Variants in TRAK1 observed in about 807,000 individuals in gnomAD.
TRAK1 encodes trafficking kinesin protein 1.
In TRAK1, 33 loss-of-function variants were observed where a neutral mutation model predicts 92.1. The ratio of observed to expected loss-of-function variants is 0.36; its 90% CI spans 0.27 to 0.48. TRAK1 has a LOEUF of 0.48. Among genes scored for constraint, TRAK1 ranks in the 20% least tolerant of loss-of-function variants. TRAK1 has a pLI of 0.99. For missense variants in TRAK1, 1,123 were observed against 1,257.9 expected, an observed-to-expected ratio of 0.89 and a Z score of 1.62; for synonymous variants, 521 against 517.3, an observed-to-expected ratio of 1.01 and a Z score of -0.10.
intron 1 of TRAK1, among the ~76,000 whole-genome samples, chr3:42,076,152 A>G (rs150460970): frequency 1.3e-3 from 189 of 141,596 alleles, no homozygotes; most frequent in East Asian, 7.3e-3. Context: ...TCCTTTGCGC[A>G]TTTTTAAACG....
chr3:42,153,101 T>A (rs964531514), intron 2 of TRAK1, among the ~76,000 whole-genome samples: 1 of 152,044 alleles, frequency 6.6e-6, no homozygotes, highest in African/African-American at 2.4e-5. Flanking sequence ...CAAAAAAAAA[T>A]CTTTGAAAAG....
At chr3:42,056,002 G>T (rs1479076052) in intron 1 of TRAK1, among the ~76,000 whole-genome samples, 1 of 152,110 alleles carries the variant, frequency 6.6e-6, no homozygotes, top group Non-Finnish European at 1.5e-5. Context: ...GTTGTAGTAG[G>T]TATCAGTACT....
intron 1 of TRAK1, among the ~76,000 whole-genome samples, chr3:42,104,027 C>T (rs112406027): frequency 0.073 from 11,165 of 152,192 alleles, 471 homozygotes; most frequent in Middle Eastern, 0.18. Context: ...TTATATCCTG[C>T]GCCTGGCTTG....
At chr3:42,032,900 A>G (rs190881435) in intron 1 of TRAK1, among the ~76,000 whole-genome samples, 295 of 152,286 alleles carry the variant, frequency 1.9e-3, no homozygotes, top group Non-Finnish European at 3.2e-3. Context: ...TCCAGCGTGG[A>G]CAACAGAGTG....
chr3:42,033,220 A>G (rs1702214196), intron 1 of TRAK1, among the ~76,000 whole-genome samples: 1 of 152,052 alleles, frequency 6.6e-6, no homozygotes, highest in African/African-American at 2.4e-5. Flanking sequence ...CCTCCTTGGA[A>G]ATGTGTGAGG....
chr3:42,169,894 G>A (rs992935725), intron 2 of TRAK1, among the ~76,000 whole-genome samples: 2 of 152,172 alleles, frequency 1.3e-5, no homozygotes, highest in Non-Finnish European at 2.9e-5. Context: ...ACTTGGATAG[G>A]GTGTCAGCTA....
intron 15 of TRAK1, chr3:42,222,111 A>G (rs1710420040): frequency 6.6e-6 from 1 of 152,150 alleles, no homozygotes; most frequent in Admixed American, 6.5e-5. Context: ...ACTGGATCCC[A>G]ACTGCTGGAA....
Position 42,209,811 on chromosome 3 carries a change from C to A in TRAK1, c.1789C>A (p.Leu597Ile). The A allele has an allele frequency of 6.2e-7, 1 of 1,614,202 alleles. No individual in the cohort carries two copies. The highest frequency in any genetic ancestry group is 8.5e-7 in the Non-Finnish European group (1 of 1,180,038). The change falls in exon 14 of 16, where the codon CTT (leucine) becomes ATT (isoleucine). Residue 597 changes from leucine to isoleucine, a missense_variant. Physicochemically the swap from Leu to Ile is conservative, Grantham distance 5. This residue lies in a region of TRAK1 where 36 missense variants were observed against 71.3 expected (regional missense o/e 0.50). Transcript: ENST00000327628. ...CTGGCAGCAGTTGGCCCAACCTCAC[C>A]TTGGGGGCATCCTGGACCCCCGGCC... ...HHWQQLAQPHLGGILDPRPGV... is the reference protein window; with the variant it reads ...HHWQQLAQPHIGGILDPRPGV...
chr3:42,084,394 G>A (rs575620705), upstream of TRAK1, among the ~76,000 whole-genome samples: 1 of 152,286 alleles, frequency 6.6e-6, no homozygotes, highest in Admixed American at 6.5e-5. Context: ...AAACCCAGGA[G>A]ACCAACCTGG....
chr3:42,080,081 A>T (rs1704360422), intron 1 of TRAK1, among the ~76,000 whole-genome samples: 1 of 152,152 alleles, frequency 6.6e-6, no homozygotes, highest in Non-Finnish European at 1.5e-5. Context: ...CAGGGACATA[A>T]CACAGTTTCC....
chr3:42,095,486 G>C (rs73828539), intron 1 of TRAK1, among the ~76,000 whole-genome samples: 2,874 of 152,156 alleles, frequency 0.019, 97 homozygotes, highest in African/African-American at 0.066. Context: ...CCAAAATATA[G>C]TCAGTGCAGA....
rs146773699 is a variant in TRAK1 at position 42,104,002 on chromosome 3, T to C, written c.91+12442T>C. Among the ~76,000 whole-genome samples, 3 of 152,208 alleles carry C rather than the reference T, an allele frequency of 2.0e-5. No individual in the cohort carries two copies. In the East Asian group the frequency reaches 5.8e-4, roughly 29 times the overall value. On this transcript the variant is annotated intron_variant, in intron 1 of 15. Coordinates refer to ENST00000327628, the MANE Select transcript of TRAK1 (RefSeq NM_001042646.3). ...GCGCTTTTCCAATGGTCTTAGCAAA[T>C]AGCACACCAAGAGATTATATCCTGC...
chr3:42,177,022 A>G, intron 3 of TRAK1, 132 bp downstream of exon 3: 1 of 776,256 alleles, frequency 1.3e-6, no homozygotes, highest in Non-Finnish European at 2.1e-6. Flanking sequence ...GTATAATTTA[A>G]TGGCTTTACT....
At chr3:42,092,691 G>T (rs146877930) in intron 1 of TRAK1, among the ~76,000 whole-genome samples, 5 of 115,862 alleles carry the variant, frequency 4.3e-5, no homozygotes, top group Admixed American at 1.0e-4. Flanking sequence ...TTGTTGTGTT[G>T]TGTTGTGTTG....
intron 4 of TRAK1, 44 bp downstream of exon 4, chr3:42,184,845 G>C (rs748268041): frequency 6.3e-7 from 1 of 1,576,382 alleles, no homozygotes; most frequent in Admixed American, 1.7e-5. Context: ...CCCGCCACAG[G>C]CCTGGGAGCT....
intron 12 of TRAK1, among the ~76,000 whole-genome samples, chr3:42,201,974 T>C (rs891641498): frequency 6.6e-6 from 1 of 151,324 alleles, no homozygotes; most frequent in Non-Finnish European, 1.5e-5. Flanking sequence ...CTTAATAAAA[T>C]TGATTCTTCC....
At chr3:42,059,540 G>A (rs984221543) in intron 1 of TRAK1, among the ~76,000 whole-genome samples, 1 of 152,102 alleles carries the variant, frequency 6.6e-6, no homozygotes, top group Non-Finnish European at 1.5e-5. Flanking sequence ...AGCAGGCCTC[G>A]GGGATTTCCT....
intron 1 of TRAK1, among the ~76,000 whole-genome samples, chr3:42,025,366 A>G (rs1701873876): frequency 6.6e-6 from 1 of 152,148 alleles, no homozygotes; most frequent in African/African-American, 2.4e-5. Context: ...AGGGTTATTT[A>G]TATCTTCTTA....
rs1559709501 is a variant in TRAK1 at position 42,030,375 on chromosome 3, A to ATG, written c.-519+16259_-519+16260insGT. ...AGACCCTGTCTCTAAAAAAAAAAAT[A>ATG]TATATATATATATATGGCCGGGCGT... On this transcript the variant is annotated intron_variant, in intron 1 of 16. Coordinates refer to the TRAK1 transcript ENST00000487159. 1.7e-3 allele frequency among the ~76,000 whole-genome samples: 245 copies of ATG among 140,140 alleles called. 2 individuals carry two copies. The highest frequency in any genetic ancestry group is 6.8e-3 in the African/African-American group (239 of 35,192). 91.9% of individuals were successfully genotyped at this position (140,140 alleles called of 152,430 possible).
Sources: gnomAD v4.1 joint callset for allele counts (sites outside exome capture counted in the v4.1 genomes callset) on GRCh38, gnomAD v4.1.1 for gene constraint, gnomAD v4.1.1 regional missense constraint, MANE v1.5 for transcripts, NCBI Gene and HGNC (gene_info 2026-07-23, HGNC 2026-07-21) for gene names.